The following ACTN1 variants were observed in gnomAD, a reference collection of about 807,000 sequenced individuals.
ACTN1 encodes the protein alpha-actinin-1.
ACTN1 carries 30 observed loss-of-function variants against 119.6 expected under a neutral mutation model. The observed-to-expected ratio is 0.25, with a 90% CI of 0.19 to 0.34. The LOEUF (loss-of-function observed/expected upper bound fraction) is 0.34. Among genes scored for constraint, ACTN1 ranks in the 10% least tolerant of loss-of-function variants. The pLI is 1.00. For synonymous variants in ACTN1, 429 were observed against 472.6 expected, an observed-to-expected ratio of 0.91 and a Z score of 1.20; for missense variants, 764 against 1,223.4, an observed-to-expected ratio of 0.62 and a Z score of 5.60.
intron 9 of ACTN1, among the ~76,000 whole-genome samples, chr14:68,892,882 G>A (rs774957818): frequency 6.6e-6 from 1 of 152,098 alleles, no homozygotes; most frequent in African/African-American, 2.4e-5. Context: ...ACCTGCAGGG[G>A]GCCAGGCACA....
intron 1 of ACTN1, among the ~76,000 whole-genome samples, chr14:68,956,834 G>A (rs1293625051): frequency 6.6e-6 from 1 of 151,992 alleles, no homozygotes; most frequent in Non-Finnish European, 1.5e-5. Flanking sequence ...AATCTTAGTT[G>A]GACCAGCCTT....
Position 68,885,371 on chromosome 14 carries a change from GA to G in ACTN1, c.1385+53del. The G allele has an allele frequency of 2.6e-6, 4 of 1,548,102 alleles. No individual in the cohort carries two copies. Among genetic ancestry groups the G allele is most frequent in the Non-Finnish European group, 2.6e-6 (3 of 1,144,318 alleles). On this transcript the variant is annotated intron_variant, in intron 12 of 21. Transcript: ENST00000394419. The surrounding 1 kb of genome is among the most constrained non-coding windows in gnomAD (Gnocchi z 5.6). ...CACCCCCACCTCCCCCAGCAGCTGA[GA>G]AAGCCCAGCCTCAGCCCCTCACCAC...
At chr14:68,922,244 C>A in intron 2 of ACTN1, among the ~76,000 whole-genome samples, 1 of 152,214 alleles carries the variant, frequency 6.6e-6, no homozygotes, top group Admixed American at 6.5e-5. Context: ...CACGGGGATT[C>A]TGGGCCAGGC....
intron 7 of ACTN1, 116 bp from the exon 8 acceptor site, chr14:68,902,678 C>A: frequency 6.3e-6 from 5 of 792,080 alleles, no homozygotes; most frequent in Admixed American, 2.5e-5. Context: ...AATGTGGAGC[C>A]CGAATCTAAC....
chr14:68,977,994 A>G (rs778389711), intron 1 of ACTN1: 5 of 456,134 alleles, frequency 1.1e-5, no homozygotes, highest in South Asian at 6.2e-5. Flanking sequence ...CCCTCCCCCC[A>G]CCACCACGAG....
At chr14:68,893,513 G>C in intron 9 of ACTN1, 142 bp downstream of exon 9, 1 of 752,118 alleles carries the variant, frequency 1.3e-6, no homozygotes, top group Non-Finnish European at 2.1e-6. Context: ...CCACAACAGA[G>C]CTCAGGCTGC....
intron 11 of ACTN1, among the ~76,000 whole-genome samples, chr14:68,889,056 G>C (rs1247774124): frequency 6.6e-6 from 1 of 152,186 alleles, no homozygotes; most frequent in African/African-American, 2.4e-5. Flanking sequence ...GAGCTCCGCC[G>C]GCCAATAGGT....
chr14:68,978,873 C>T, intron 1 of ACTN1, 79 bp downstream of exon 1: 1 of 984,296 alleles, frequency 1.0e-6, no homozygotes, highest in Non-Finnish European at 1.4e-6. Flanking sequence ...GAGCCCGGAG[C>T]CGAGAGCCCG....
chr14:68,973,675 T>C (rs2036967974), intron 1 of ACTN1: 1 of 152,274 alleles, frequency 6.6e-6, no homozygotes, highest in South Asian at 2.1e-4. Flanking sequence ...AGCCCTAGTT[T>C]GCTGTGTCTC....
At chr14:68,944,815 C>T (rs1028709336) in intron 1 of ACTN1, among the ~76,000 whole-genome samples, 4 of 152,116 alleles carry the variant, frequency 2.6e-5, no homozygotes, top group Non-Finnish European at 4.4e-5. Context: ...CTAATAATTA[C>T]ACCAGCATAA....
intron 16 of ACTN1, among the ~76,000 whole-genome samples, chr14:68,881,936 C>CTTTTTTTTTTTTTTTTTTTTTTTTTTTT (rs781067137): frequency 3.4e-5 from 2 of 58,396 alleles, no homozygotes; most frequent in Non-Finnish European, 6.1e-5. Flanking sequence ...TAGGCAGCTT[C>CTTTTTTTTTTTTTTTTTTTTTTTTTTTT]TTTTTTTTTT....
At chr14:68,955,345 C>G (rs2036319175) in intron 1 of ACTN1, among the ~76,000 whole-genome samples, 1 of 152,178 alleles carries the variant, frequency 6.6e-6, no homozygotes, top group African/African-American at 2.4e-5. Flanking sequence ...GGCAGACCCC[C>G]AGGCTGAAAT....
At chr14:68,900,332 T>C (rs2033227883) in intron 8 of ACTN1, among the ~76,000 whole-genome samples, 1 of 152,012 alleles carries the variant, frequency 6.6e-6, no homozygotes, top group African/African-American at 2.4e-5. Context: ...CACGTGGCAC[T>C]TGTGAGTAGT....
intron 3 of ACTN1, 82 bp from the exon 4 acceptor site, chr14:68,912,324 A>C: frequency 2.8e-6 from 3 of 1,075,346 alleles, no homozygotes; most frequent in South Asian, 1.3e-5. Context: ...ACAGCACTCC[A>C]TGCCCCACGC....
intron 1 of ACTN1, among the ~76,000 whole-genome samples, chr14:68,964,340 A>G (rs376369149): frequency 9.9e-5 from 15 of 152,182 alleles, no homozygotes; most frequent in East Asian, 9.6e-4. Flanking sequence ...CCCCACCTCC[A>G]CTGCTCAACA....
At chr14:68,918,431 A>ATTTT (rs2034445011) in intron 3 of ACTN1, among the ~76,000 whole-genome samples, 1 of 150,358 alleles carries the variant, frequency 6.7e-6, no homozygotes, top group East Asian at 2.0e-4. Flanking sequence ...AATATTTAAA[A>ATTTT]AAAAATTAGC....
intron 13 of ACTN1, 106 bp downstream of exon 13, chr14:68,884,666 TGGG>T: frequency 1.0e-6 from 1 of 973,820 alleles, no homozygotes; most frequent in Non-Finnish European, 1.6e-6. Flanking sequence ...GGGGGAGGTC[TGGG>T]GAAGCCATAG....
At chr14:68,957,729 C>G (rs999899100) in intron 1 of ACTN1, among the ~76,000 whole-genome samples, 1 of 152,112 alleles carries the variant, frequency 6.6e-6, no homozygotes, top group Non-Finnish European at 1.5e-5. Flanking sequence ...GTACCCTGGT[C>G]AAGAGTTCAG....
chr14:68,876,939 G>A (rs2030962540), intron 21 of ACTN1, 143 bp downstream of exon 21: 1 of 954,848 alleles, frequency 1.0e-6, no homozygotes, highest in Admixed American at 2.7e-5. Flanking sequence ...ACAGAAATGA[G>A]TAGAAGTGGC....
Sources: allele counts gnomAD v4.1 joint callset (sites outside exome capture counted in the v4.1 genomes callset), GRCh38; gene constraint gnomAD v4.1.1; non-coding constraint Gnocchi (gnomAD v3.1); transcripts MANE v1.5; gene names NCBI Gene and HGNC (gene_info 2026-07-23, HGNC 2026-07-21).